KCTD21: variants seen among roughly 807,000 people sequenced by gnomAD.
KCTD21 encodes BTB/POZ domain-containing protein KCTD21.
KCTD21 carries 9 observed loss-of-function variants against 13.2 expected under a neutral mutation model. The ratio of observed to expected loss-of-function variants is 0.68; its 90% CI spans 0.41 to 1.19. The LOEUF is 1.19. Ranked by LOEUF, KCTD21 falls within the 50% of genes most tolerant of loss-of-function variation. The pLI, the probability that KCTD21 is intolerant of heterozygous loss-of-function variation, is 0.01. For missense variants in KCTD21, 303 were observed against 336.5 expected (o/e 0.90, Z 0.78); for synonymous variants, 142 against 137.4 (o/e 1.03, Z -0.23).
intron 1 of KCTD21, among the ~76,000 whole-genome samples, chr11:78,180,583 A>C (rs758009694): frequency 1.3e-5 from 2 of 152,270 alleles, no homozygotes. Flanking sequence ...TGACAATCAC[A>C]TGAAAAGATG....
intron 1 of KCTD21, among the ~76,000 whole-genome samples, chr11:78,179,582 C>T (rs1283969360): frequency 6.6e-6 from 1 of 152,166 alleles, no homozygotes; most frequent in Admixed American, 6.5e-5. Context: ...ACCCCTACAT[C>T]CTCACTCGGC....
At chr11:78,188,007 G>T (rs2137012555) in intron 1 of KCTD21, 2 of 985,394 alleles carry the variant, frequency 2.0e-6, no homozygotes, top group South Asian at 9.4e-5. Flanking sequence ...GTGCCGCACT[G>T]AACTCGGGGA....
chr11:78,186,824 G>T, intron 1 of KCTD21: 8 of 985,436 alleles, frequency 8.1e-6, no homozygotes, highest in Non-Finnish European at 8.4e-6. Flanking sequence ...CATCTGCGGA[G>T]AATTTTAGTC....
intron 1 of KCTD21, chr11:78,187,704 A>G (rs1469615763): frequency 2.0e-6 from 2 of 985,262 alleles, no homozygotes; most frequent in Admixed American, 1.2e-4. Flanking sequence ...TCATCCTCAC[A>G]GTACTATAGG....
chr11:78,177,094 A>T (rs1187656006), intron 1 of KCTD21: 1 of 152,258 alleles, frequency 6.6e-6, no homozygotes, highest in Non-Finnish European at 1.5e-5. Flanking sequence ...CACCTCCCCA[A>T]AGTCACCCAG....
intron 1 of KCTD21, among the ~76,000 whole-genome samples, chr11:78,182,306 C>A (rs749087613): frequency 1.2e-4 from 13 of 106,698 alleles, no homozygotes; most frequent in Admixed American, 8.3e-4. Flanking sequence ...CACCCCCCCC[C>A]CCTCAAAATT....
chr11:78,177,517 T>C (rs1158302427), intron 1 of KCTD21, among the ~76,000 whole-genome samples: 1 of 152,082 alleles, frequency 6.6e-6, no homozygotes, highest in African/African-American at 2.4e-5. Flanking sequence ...GCCAATTCTC[T>C]CTCCAGAGGG....
intron 1 of KCTD21, among the ~76,000 whole-genome samples, chr11:78,181,908 A>G (rs1357063811): frequency 6.6e-6 from 1 of 152,218 alleles, no homozygotes; most frequent in African/African-American, 2.4e-5. Flanking sequence ...AACCAATTAT[A>G]TATTGTTGTG....
intron 1 of KCTD21, among the ~76,000 whole-genome samples, chr11:78,181,481 G>C (rs1439251080): frequency 6.6e-6 from 1 of 152,218 alleles, no homozygotes; most frequent in Non-Finnish European, 1.5e-5. Context: ...ATCAGATTAA[G>C]TGAATTCTTG....
At position 78,187,068 on chromosome 11, in the gene KCTD21, G is replaced by A. The variant is rs555272415; in HGVS notation, c.-30+1505C>T. On this transcript the variant is annotated intron_variant, in intron 1 of 1. Transcript: ENST00000340067. The stretch of plus-strand genomic sequence containing the variant: ...ATCTAAAGGGATGTGACAAGGCCGA[G>A]GTGATTACTTGGGAGTAAATGCAAG... The A allele has an allele frequency of 4.1e-6, 4 of 985,452 alleles. No individual in the cohort carries two copies. In the East Asian group the frequency reaches 3.4e-4, roughly 84 times the overall value. 61.0% of individuals were successfully genotyped at this position (985,452 alleles called of 1,614,324 possible).
intron 1 of KCTD21, among the ~76,000 whole-genome samples, chr11:78,181,654 G>A (rs183278240): frequency 2.6e-5 from 4 of 152,156 alleles, no homozygotes; most frequent in Admixed American, 6.5e-5. Context: ...CATCTAAAAG[G>A]GTGAATTGTG....
chr11:78,188,523 C>T (rs1364833659), intron 1 of KCTD21, 50 bp downstream of exon 1: 3 of 985,366 alleles, frequency 3.0e-6, no homozygotes, highest in Non-Finnish European at 2.4e-6. Context: ...GGCCCACGTA[C>T]CCTCGCCGGT....
At chr11:78,185,858 C>T (rs530125965) in intron 1 of KCTD21, among the ~76,000 whole-genome samples, 1 of 152,144 alleles carries the variant, frequency 6.6e-6, no homozygotes, top group South Asian at 2.1e-4. Context: ...TCCCAAAGTG[C>T]TGGGATTACA....
At position 78,172,310 on chromosome 11, in the gene KCTD21, C is replaced by T. The variant is rs1862301120; in HGVS notation, c.*1462G>A. On this transcript the variant is annotated 3_prime_UTR_variant, in exon 2 of 2. Coordinates refer to ENST00000340067, the MANE Select transcript of KCTD21 (RefSeq NM_001029859.3). ...CCTGAGGGCAGGGTCTTAGGGGCCG[C>T]ACATTTACTCTAAGGGCACTGTTAC... The T allele has an allele frequency of 6.6e-6, 1 of 152,256 alleles. No individual in the cohort carries two copies. Among genetic ancestry groups the T allele is most frequent in the Admixed American group, 6.5e-5 (1 of 15,272 alleles). 9.4% of individuals were successfully genotyped at this position (152,256 alleles called of 1,614,324 possible).
intron 1 of KCTD21, among the ~76,000 whole-genome samples, chr11:78,177,524 A>G (rs1862490443): frequency 6.6e-6 from 1 of 152,164 alleles, no homozygotes; most frequent in African/African-American, 2.4e-5. Context: ...CTCTCTCCAG[A>G]GGGCCCAGGC....
intron 1 of KCTD21, chr11:78,178,131 C>CTTTTTT (rs11453841): frequency 0.12 from 17,344 of 141,514 alleles, 1,211 homozygotes; most frequent in Non-Finnish European, 0.16. Flanking sequence ...CCCTTCTTTT[C>CTTTTTT]TTTTTTTTTT....
rs1226631331 is a variant in KCTD21 at position 78,174,261 on chromosome 11, C to A, written c.294G>T (p.Glu98Asp). 8 of 1,614,066 alleles carry A rather than the reference C, an allele frequency of 5.0e-6. No homozygotes were observed. In the South Asian group the frequency reaches 8.8e-5, roughly 18 times the overall value. Reference protein sequence around the residue: ...QVQPLIEALQEKEVELSKAEK... With the variant: ...QVQPLIEALQDKEVELSKAEK... ...CGGCCTTGGAGAGCTCCACTTCCTT[C>A]TCCTGCAGGGCCTCAATCAGGGGCT... Residue 98 changes from glutamate (E) to aspartate (D), a missense_variant, in exon 2 of 2, where the codon GAG (glutamate) becomes GAT (aspartate). Glu to Asp is a conservative substitution (Grantham distance 45). Coordinates refer to ENST00000340067, the MANE Select transcript of KCTD21 (RefSeq NM_001029859.3).
chr11:78,186,540 T>C (rs1007046183), intron 1 of KCTD21: 1 of 282,820 alleles, frequency 3.5e-6, no homozygotes, highest in Non-Finnish European at 5.3e-6. Context: ...GGGCAGATGA[T>C]GATGATCATA....
Position 78,173,619 on chromosome 11 carries a change from G to C in KCTD21, c.*153C>G. ...GTTCAGAGGACACTGGATTCCAAAA[G>C]GTGGACTTCATCATGGGGGGAATCA... On this transcript the variant is annotated 3_prime_UTR_variant, in exon 2 of 2. Transcript: ENST00000340067. 1.4e-6 allele frequency: 1 copy of C among 706,634 alleles called. No individual in the cohort carries two copies. The highest frequency in any genetic ancestry group is 2.5e-5 in the Admixed American group (1 of 40,338). The allele number at this position is 706,634 out of a possible 1,614,324, so 43.8% of individuals were successfully genotyped here. A position where few individuals can be genotyped will look rare whatever the true frequency, so the allele number is the denominator to read the frequency against.
Sources: gnomAD v4.1 joint callset for allele counts (sites outside exome capture counted in the v4.1 genomes callset) on GRCh38, gnomAD v4.1.1 for gene constraint, MANE v1.5 for transcripts, NCBI Gene and HGNC (gene_info 2026-07-23, HGNC 2026-07-21) for gene names.